PREPL: variants seen among roughly 807,000 people sequenced by gnomAD.
The protein encoded by PREPL is prolyl endopeptidase like, also known as prolyl endopeptidase-like.
PREPL carries 77 observed loss-of-function variants against 70.6 expected under a neutral mutation model. The ratio of observed to expected loss-of-function variants is 1.09; its 90% confidence interval spans 0.91 to 1.32. PREPL has a LOEUF of 1.32. Ranked by LOEUF, PREPL falls within the 40% of genes most tolerant of loss-of-function variation. PREPL has a pLI of 0.00. For missense variants in PREPL, 1,002 were observed against 778.2 expected, an observed-to-expected ratio of 1.29 and a Z score of -3.42; for synonymous variants, 315 against 264.8, an observed-to-expected ratio of 1.19 and a Z score of -1.84.
chr2:44,339,734 G>A (rs992518187), intron 5 of PREPL, among the ~76,000 whole-genome samples: 2 of 152,056 alleles, frequency 1.3e-5, no homozygotes, highest in East Asian at 1.9e-4. Flanking sequence ...AACTACAAAC[G>A]TCATTTCTCA....
chr2:44,360,787 T>C (rs1265832696), intron 1 of PREPL: 1 of 152,242 alleles, frequency 6.6e-6, no homozygotes, highest in Admixed American at 6.5e-5. Context: ...GACCACTCAA[T>C]AAATGGCAGT....
rs947194272 is a variant in PREPL at position 44,339,446 on chromosome 2, C to G, written c.486-83G>C. ...TTAAGGACAGTATCTCAGAGGTGGT[C>G]AGTATACATGTTGATTTATAATGCA... On this transcript the variant is annotated intron_variant, in intron 5 of 13. Coordinates refer to ENST00000409411, the MANE Select transcript of PREPL (RefSeq NM_001171613.2). 18 of 1,548,646 alleles carry G rather than the reference C, an allele frequency of 1.2e-5. No individual in the cohort carries two copies. In the Middle Eastern group the frequency reaches 6.7e-4, roughly 58 times the overall value.
intron 2 of PREPL, among the ~76,000 whole-genome samples, chr2:44,345,617 G>A (rs1013852317): frequency 3.9e-5 from 6 of 151,988 alleles, no homozygotes; most frequent in Non-Finnish European, 8.8e-5. Flanking sequence ...CAAAGTGCTG[G>A]GATTACAGGC....
intron 1 of PREPL, among the ~76,000 whole-genome samples, chr2:44,352,229 G>A (rs967347484): frequency 1.3e-4 from 20 of 151,370 alleles, no homozygotes; most frequent in African/African-American, 4.4e-4. Flanking sequence ...CATAACTATC[G>A]CTTTTGACCC....
rs1324540640 is a variant in PREPL, at chr2:44,320,556, C to T, written c.*800G>A. Reference sequence around the variant, plus strand: ...CAACACGAAGAATCTCCTTCATCGCCAAACAGCTTTCAGAGATAGATGCTT... The same window carrying T: ...CAACACGAAGAATCTCCTTCATCGCTAAACAGCTTTCAGAGATAGATGCTT... On this transcript the variant is annotated 3_prime_UTR_variant, in exon 14 of 14. Transcript: ENST00000409411. 5 of 1,613,936 alleles carry T rather than the reference C, an allele frequency of 3.1e-6. No individual in the cohort carries two copies. The highest frequency in any genetic ancestry group is 3.4e-6 in the Non-Finnish European group (4 of 1,179,926).
rs1346989411 is a variant in PREPL, at chr2:44,323,399, C to G, written c.1492G>C (p.Asp498His). The G allele has an allele frequency of 1.9e-6, 3 of 1,580,348 alleles. No homozygotes were observed. Among genetic ancestry groups the G allele is most frequent in the Non-Finnish European group, 2.6e-6 (3 of 1,166,452 alleles). Residue 498 changes from aspartate to histidine, a missense_variant, in exon 11 of 14, where the codon GAT becomes CAT. By Grantham distance (81) the Asp-to-His change is moderately conservative. Transcript: ENST00000409411. ...RAVTLEAPFL[D>H]VLNTMMDTTL... Reference sequence around the variant, plus strand: ...GTGTCCATCATGGTGTTGAGAACATCCAAGAAAGGTGCCTAAAAAAAAGGC... The same window carrying G: ...GTGTCCATCATGGTGTTGAGAACATGCAAGAAAGGTGCCTAAAAAAAAGGC...
chr2:44,361,844 A>T, upstream of PREPL: 1 of 1,283,232 alleles, frequency 7.8e-7, no homozygotes, highest in Non-Finnish European at 1.0e-6. Context: ...GTTGCCAAGG[A>T]GATGCGAGTA....
chr2:44,324,200 C>T (rs527723557), intron 10 of PREPL, among the ~76,000 whole-genome samples: 11 of 152,278 alleles, frequency 7.2e-5, no homozygotes, highest in South Asian at 4.1e-4. Context: ...TATGACTCCA[C>T]CTATGTGAGG....
At chr2:44,339,828 C>G (rs1218060603) in intron 5 of PREPL, among the ~76,000 whole-genome samples, 1 of 152,052 alleles carries the variant, frequency 6.6e-6, no homozygotes, top group East Asian at 1.9e-4. Flanking sequence ...ATAAAAGGGA[C>G]ACGGAGTTAT....
Position 44,318,476 on chromosome 2 carries a change from G to T in PREPL, c.*2880C>A, listed in dbSNP as rs1672624806. 1 of 167,252 alleles carries T rather than the reference G, an allele frequency of 6.0e-6. No homozygotes were observed. The highest frequency in any genetic ancestry group is 2.4e-5 in the African/African-American group (1 of 41,540). 10.4% of individuals were successfully genotyped at this position (167,252 alleles called of 1,614,324 possible). On this transcript the variant is annotated 3_prime_UTR_variant, in exon 14 of 14. Transcript: ENST00000409411. ...ACCAGTTCTATCAACTATGGGCCCAGTATGCAGCTTTTAAAAATGACAGTT... is the reference window on the plus strand; with the variant it reads ...ACCAGTTCTATCAACTATGGGCCCATTATGCAGCTTTTAAAAATGACAGTT...
rs1572828718 is a variant in PREPL, at chr2:44,319,515, T to C, written c.*1841A>G. The C allele has an allele frequency of 6.6e-6, 1 of 152,238 alleles. No individual in the cohort carries two copies. Among genetic ancestry groups the C allele is most frequent in the Non-Finnish European group, 1.5e-5 (1 of 68,130 alleles). 9.4% of individuals were successfully genotyped at this position (152,238 alleles called of 1,614,324 possible). A position where few individuals can be genotyped will look rare whatever the true frequency, so the allele number is the denominator to read the frequency against. On this transcript the variant is annotated 3_prime_UTR_variant, in exon 14 of 14. Transcript: ENST00000409411. Reference sequence around the variant, plus strand: ...AAACATTTATGGAGGCTATATTATATAGTCAATAACAGAAAATGCTTGAAA... The same window carrying C: ...AAACATTTATGGAGGCTATATTATACAGTCAATAACAGAAAATGCTTGAAA...
Position 44,339,131 on chromosome 2 carries a change from G to C in PREPL, c.702+16C>G, listed in dbSNP as rs781605745. ...TCTTAACAGCCCAAATAGGAACAACGAGCATCCAGGATTACCTTAAATTCT... is the reference window on the plus strand; with the variant it reads ...TCTTAACAGCCCAAATAGGAACAACCAGCATCCAGGATTACCTTAAATTCT... On this transcript the variant is annotated intron_variant, in intron 6 of 13. Transcript: ENST00000409411. 3.7e-6 allele frequency: 6 copies of C among 1,612,284 alleles called. No homozygotes were observed. The highest frequency in any genetic ancestry group is 5.1e-6 in the Non-Finnish European group (6 of 1,178,750).
rs1052507774 is a variant in PREPL at position 44,319,468 on chromosome 2, T to C, written c.*1888A>G. ...GGCATGGCTGAGTATGGTACAACCGTTCAACAGAATATTGTCATTAAAAAC... is the reference window on the plus strand; with the variant it reads ...GGCATGGCTGAGTATGGTACAACCGCTCAACAGAATATTGTCATTAAAAAC... On this transcript the variant is annotated 3_prime_UTR_variant, in exon 14 of 14. Coordinates refer to ENST00000409411, the MANE Select transcript of PREPL (RefSeq NM_001171613.2). The C allele has an allele frequency of 6.6e-6, 1 of 152,384 alleles. No homozygotes were observed. The highest frequency in any genetic ancestry group is 1.5e-5 in the Non-Finnish European group (1 of 68,026). The allele number at this position is 152,384 out of a possible 1,614,324, so 9.4% of individuals were successfully genotyped here.
intron 1 of PREPL, among the ~76,000 whole-genome samples, chr2:44,349,504 T>C (rs1451937980): frequency 1.3e-5 from 2 of 152,166 alleles, no homozygotes; most frequent in Non-Finnish European, 2.9e-5. Flanking sequence ...ATATGAAGCA[T>C]TTCAATTTAG....
chr2:44,323,374 G>T lies in PREPL; in HGVS notation c.1517C>A (p.Thr506Asn), dbSNP rs761388712. ...TTCTTCTAATGTCAGAGGAAGTGTA[G>T]TGTCCATCATGGTGTTGAGAACATC... ...FLDVLNTMMD[T>N]TLPLTLEELE... The change falls in exon 11 of 14, where the codon ACT (threonine) becomes AAT (asparagine). Residue 506 changes from threonine (T) to asparagine (N), a missense_variant. Thr to Asn is a moderately conservative substitution (Grantham distance 65, BLOSUM62 0). Coordinates refer to ENST00000409411, the MANE Select transcript of PREPL (RefSeq NM_001171613.2). 1 of 1,606,804 alleles carries T rather than the reference G, an allele frequency of 6.2e-7. No individual in the cohort carries two copies. Among genetic ancestry groups the T allele is most frequent in the Non-Finnish European group, 8.5e-7 (1 of 1,174,546 alleles).
In PREPL at chr2:44,319,454, G is replaced by A. The variant is rs534957491; in HGVS notation, c.*1902C>T. ...CGTCAAAATGAAAGGGCATGGCTGA[G>A]TATGGTACAACCGTTCAACAGAATA... On this transcript the variant is annotated 3_prime_UTR_variant, in exon 14 of 14. Coordinates refer to ENST00000409411, the MANE Select transcript of PREPL (RefSeq NM_001171613.2). The A allele has an allele frequency of 6.6e-6, 1 of 152,374 alleles. No individual in the cohort carries two copies. Among genetic ancestry groups the A allele is most frequent in the Non-Finnish European group, 1.5e-5 (1 of 68,040 alleles). 9.4% of individuals were successfully genotyped at this position (152,374 alleles called of 1,614,324 possible). A position where few individuals can be genotyped will look rare whatever the true frequency, so the allele number is the denominator to read the frequency against.
chr2:44,341,648 T>C (rs1675233179), intron 5 of PREPL, among the ~76,000 whole-genome samples: 1 of 151,970 alleles, frequency 6.6e-6, no homozygotes, highest in Admixed American at 6.6e-5. Flanking sequence ...TAGACATTAA[T>C]CTTTTTTTCC....
chr2:44,327,854 C>G (rs1453724088), intron 9 of PREPL, among the ~76,000 whole-genome samples: 1 of 151,582 alleles, frequency 6.6e-6, no homozygotes, highest in Non-Finnish European at 1.5e-5. Context: ...CAGAGTGAGA[C>G]TCCATCTCAA....
chr2:44,344,665 A>G (rs776850311), intron 2 of PREPL, 79 bp from the exon 3 acceptor site: 7 of 1,064,544 alleles, frequency 6.6e-6, no homozygotes, highest in Non-Finnish European at 9.5e-6. Context: ...GATGAAGATG[A>G]AATGAAGACT....
Sources: allele counts gnomAD v4.1 joint callset (sites outside exome capture counted in the v4.1 genomes callset), GRCh38; gene constraint gnomAD v4.1.1; transcripts MANE v1.5; gene names NCBI Gene and HGNC (gene_info 2026-07-23, HGNC 2026-07-21).